The following GRID2 variants were observed in gnomAD, a reference collection of about 807,000 sequenced individuals.
The protein encoded by GRID2 is glutamate ionotropic receptor delta type subunit 2, also known as glutamate receptor ionotropic, delta-2.
In GRID2, 33 loss-of-function variants were observed where a neutral mutation model predicts 114.8. That is an observed-to-expected ratio of 0.29 (90% CI 0.22 to 0.38). The LOEUF (loss-of-function observed/expected upper bound fraction) is 0.38. Ranked by LOEUF, GRID2 falls within the 10% of genes least tolerant of loss-of-function variation. GRID2 has a pLI of 1.00. For missense variants in GRID2, 1,184 were observed against 1,257.7 expected, an observed-to-expected ratio of 0.94 and a Z score of 0.89; for synonymous variants, 505 against 449.9, an observed-to-expected ratio of 1.12 and a Z score of -1.55.
At chr4:93,461,604 C>G (rs897982608) in intron 11 of GRID2, among the ~76,000 whole-genome samples, 11 of 152,038 alleles carry the variant, frequency 7.2e-5, no homozygotes, top group African/African-American at 2.7e-4. Context: ...TTTACTAATC[C>G]TGACATTTTA....
chr4:92,909,169 G>A (rs1245023540), intron 2 of GRID2, among the ~76,000 whole-genome samples: 1 of 151,586 alleles, frequency 6.6e-6, no homozygotes, highest in African/African-American at 2.4e-5. Context: ...TCCTAATCTA[G>A]CCATATATAC....
chr4:92,473,682 C>T (rs1722150948), intron 1 of GRID2, among the ~76,000 whole-genome samples: 1 of 151,972 alleles, frequency 6.6e-6, no homozygotes, highest in Non-Finnish European at 1.5e-5. Context: ...ATGTGTTCAG[C>T]TGTTGTTAGC....
Position 93,328,327 on chromosome 4 carries a change from G to GGGC in GRID2, c.1246-67280_1246-67279insGGC, listed in dbSNP as rs1553910609. 6.4e-3 allele frequency among the ~76,000 whole-genome samples: 976 copies of GGGC among 152,026 alleles called. 8 individuals carry two copies. The highest frequency in any genetic ancestry group is 0.044 in the Middle Eastern group (13 of 294). On this transcript the variant is annotated intron_variant, in intron 8 of 15. Transcript: ENST00000282020. ...ATATTTTGAATTTACCCCTTTGCAT[G>GGGC]CCCCATTCTAGCTGCACTGACATTA...
chr4:93,653,518 G>A (rs1722764309), intron 14 of GRID2, among the ~76,000 whole-genome samples: 1 of 152,100 alleles, frequency 6.6e-6, no homozygotes, highest in African/African-American at 2.4e-5. Context: ...TATTTTGTAT[G>A]TGTGAAAATT....
chr4:93,714,454 C>G (rs1385224788), intron 14 of GRID2, among the ~76,000 whole-genome samples: 1 of 152,016 alleles, frequency 6.6e-6, no homozygotes, highest in Non-Finnish European at 1.5e-5. Context: ...GGGTATATAC[C>G]CAGCAGTGAG....
intron 2 of GRID2, among the ~76,000 whole-genome samples, chr4:92,961,022 T>A (rs1752761159): frequency 6.6e-6 from 1 of 151,914 alleles, no homozygotes; most frequent in Non-Finnish European, 1.5e-5. Flanking sequence ...TCATAGGTAG[T>A]GCAGGTACCT....
intron 2 of GRID2, among the ~76,000 whole-genome samples, chr4:92,780,924 G>C (rs1002341311): frequency 6.6e-6 from 1 of 152,034 alleles, no homozygotes; most frequent in African/African-American, 2.4e-5. Flanking sequence ...ACTTGTCAGG[G>C]TTTTTGATCG....
chr4:93,355,376 G>A (rs533311029), intron 8 of GRID2, among the ~76,000 whole-genome samples: 4 of 152,162 alleles, frequency 2.6e-5, no homozygotes, highest in African/African-American at 7.2e-5. Context: ...AGTTAATACT[G>A]AATGTTGACT....
intron 2 of GRID2, among the ~76,000 whole-genome samples, chr4:93,061,233 A>T (rs906415139): frequency 9.6e-5 from 14 of 146,218 alleles, no homozygotes; most frequent in African/African-American, 3.3e-4. Context: ...AAATACCTTG[A>T]AATTTCAGGG....
intron 8 of GRID2, among the ~76,000 whole-genome samples, chr4:93,245,455 A>G (rs1175425767): frequency 1.3e-5 from 2 of 152,212 alleles, no homozygotes; most frequent in Non-Finnish European, 2.9e-5. Context: ...GTTAAGCAAG[A>G]TATATGTATA....
At chr4:92,373,191 C>T (rs1729197523) in intron 1 of GRID2, among the ~76,000 whole-genome samples, 1 of 152,136 alleles carries the variant, frequency 6.6e-6, no homozygotes, top group African/African-American at 2.4e-5. Flanking sequence ...TAAACAATTC[C>T]TTTTAAAGCA....
intron 2 of GRID2, among the ~76,000 whole-genome samples, chr4:92,599,973 C>T (rs1285647792): frequency 2.8e-5 from 4 of 144,040 alleles, no homozygotes; most frequent in Admixed American, 7.1e-5. Flanking sequence ...TGCAACGAGG[C>T]GAGATTGCGC....
intron 2 of GRID2, among the ~76,000 whole-genome samples, chr4:93,007,449 A>G (rs1033383022): frequency 9.9e-5 from 15 of 152,036 alleles, no homozygotes; most frequent in African/African-American, 1.2e-4. Flanking sequence ...GTCAAAATAA[A>G]GCAGCAGTAA....
chr4:93,425,039 AT>A (rs1328751128), intron 10 of GRID2, among the ~76,000 whole-genome samples: 6 of 152,124 alleles, frequency 3.9e-5, no homozygotes, highest in Non-Finnish European at 5.9e-5. Flanking sequence ...TTCTGCTGAG[AT>A]TTCCTATCTT....
At chr4:93,228,996 A>ATG (rs1378194685) in intron 7 of GRID2, among the ~76,000 whole-genome samples, 1 of 152,154 alleles carries the variant, frequency 6.6e-6, no homozygotes, top group East Asian at 1.9e-4. Flanking sequence ...TTGTGGGACT[A>ATG]TGTGTACATT....
At chr4:92,347,484 A>G (rs1727828020) in intron 1 of GRID2, among the ~76,000 whole-genome samples, 1 of 152,220 alleles carries the variant, frequency 6.6e-6, no homozygotes, top group Non-Finnish European at 1.5e-5. Context: ...TAAGTACAGA[A>G]AAGTGTAATG....
At chr4:93,313,289 CTT>C (rs1394745864) in intron 8 of GRID2, among the ~76,000 whole-genome samples, 2 of 152,180 alleles carry the variant, frequency 1.3e-5, no homozygotes, top group African/African-American at 4.8e-5. Context: ...AGCTGTGACT[CTT>C]TTCTCCTTCA....
intron 12 of GRID2, among the ~76,000 whole-genome samples, chr4:93,502,958 G>A (rs1397428908): frequency 6.6e-6 from 1 of 152,010 alleles, no homozygotes; most frequent in Non-Finnish European, 1.5e-5. Flanking sequence ...TGTTGTCTTG[G>A]GAGTGTGGAG....
At chr4:93,677,898 T>C (rs1725070111) in intron 14 of GRID2, among the ~76,000 whole-genome samples, 1 of 151,704 alleles carries the variant, frequency 6.6e-6, no homozygotes, top group Admixed American at 6.6e-5. Flanking sequence ...AGGAATGCAG[T>C]TCCTCACCAG....
Sources: gnomAD v4.1 joint callset for allele counts (sites outside exome capture counted in the v4.1 genomes callset) on GRCh38, gnomAD v4.1.1 for gene constraint, MANE v1.5 for transcripts, NCBI Gene and HGNC (gene_info 2026-07-23, HGNC 2026-07-21) for gene names.